Variants in SCAMP3 observed in about 807,000 individuals in gnomAD.
SCAMP3 encodes secretory carrier membrane protein 3.
In SCAMP3, 30 loss-of-function variants were observed where a neutral mutation model predicts 44.1. The observed-to-expected ratio is 0.68, with a 90% CI of 0.51 to 0.92. The LOEUF (loss-of-function observed/expected upper bound fraction) is 0.92. SCAMP3 is among the 40% of genes least tolerant of loss of function. The probability of loss-of-function intolerance (pLI) is 0.00; values close to 1 mark genes in which losing one functional copy is unlikely to be tolerated. For missense variants in SCAMP3, 394 were observed against 440.0 expected (o/e 0.90, Z 0.93); for synonymous variants, 168 against 171.1 (o/e 0.98, Z 0.14).
Position 155,256,104 on chromosome 1 carries a change from C to T in SCAMP3, c.*169G>A. On this transcript the variant is annotated 3_prime_UTR_variant, in exon 9 of 9. Transcript: ENST00000302631. Reference sequence around the variant, plus strand: ...GTGTGGCCTGATGGGGGGACTAGGTCACAGTGAACTCCCCACACGCCTGTC... The same window carrying T: ...GTGTGGCCTGATGGGGGGACTAGGTTACAGTGAACTCCCCACACGCCTGTC... 1 of 561,868 alleles carries T rather than the reference C, an allele frequency of 1.8e-6. No homozygotes were observed. The highest frequency in any genetic ancestry group is 3.3e-5 in the East Asian group (1 of 30,758). 34.8% of individuals were successfully genotyped at this position (561,868 alleles called of 1,614,324 possible). A position where few individuals can be genotyped will look rare whatever the true frequency, so the allele number is the denominator to read the frequency against.
At chr1:155,259,046 CTTTT>C (rs34682738) in intron 4 of SCAMP3, 92 bp from the exon 5 acceptor site, 6,516 of 481,298 alleles carry the variant, frequency 0.014, no homozygotes, top group East Asian at 0.026. Context: ...TGGATCCTCT[CTTTT>C]TTTTTTTTTT....
chr1:155,257,660 A>G lies in SCAMP3; in HGVS notation c.518-3T>C. ...CAGGAGAAGAGCCAGCGTGCTGCCT[A>G]AGGGGCAGAGGGACAGGATGAGGAG... On this transcript the variant is annotated splice_polypyrimidine_tract_variant and splice_region_variant and intron_variant, in intron 5 of 8. Coordinates refer to ENST00000302631, the MANE Select transcript of SCAMP3 (RefSeq NM_005698.4). The G allele has an allele frequency of 6.4e-7, 1 of 1,554,648 alleles. No individual in the cohort carries two copies. Among genetic ancestry groups the G allele is most frequent in the Non-Finnish European group, 8.7e-7 (1 of 1,148,906 alleles).
At position 155,260,552 on chromosome 1, in the gene SCAMP3, G is replaced by A. The variant is rs763407185; in HGVS notation, c.252C>T (p.Gly84=). The change falls in exon 3 of 9, where the codon GGC becomes GGT. Residue 84 remains glycine (G), a synonymous_variant. Coordinates refer to ENST00000302631, the MANE Select transcript of SCAMP3 (RefSeq NM_005698.4). ...KLSPTEPKNY[G]SYSTQASAAA... Reference sequence around the variant, plus strand: ...CCTCCTGTACCTGAGTGCTGTATGAGCCATAGTTCTTAGGTTCTGTGGGGC... The same window carrying A: ...CCTCCTGTACCTGAGTGCTGTATGAACCATAGTTCTTAGGTTCTGTGGGGC... 1 of 1,614,058 alleles carries A rather than the reference G, an allele frequency of 6.2e-7. No individual in the cohort carries two copies. The highest frequency in any genetic ancestry group is 1.3e-5 in the African/African-American group (1 of 74,924).
chr1:155,262,205 GT>G lies in SCAMP3; in HGVS notation c.-55del. 1 of 1,546,786 alleles carries G rather than the reference GT, an allele frequency of 6.5e-7. No homozygotes were observed. Among genetic ancestry groups the G allele is most frequent in the South Asian group, 1.1e-5 (1 of 89,328 alleles). On this transcript the variant is annotated 5_prime_UTR_variant, in exon 1 of 9. Transcript: ENST00000302631. ...TGCCCTCCACGCCCCTGCCGCAGCA[GT>G]GGCGGTAGCGGTAGCCCTCAGAGTC...
intron 2 of SCAMP3, among the ~76,000 whole-genome samples, 156 bp from the exon 3 acceptor site, chr1:155,260,815 G>T (rs572056034): frequency 6.6e-6 from 1 of 152,224 alleles, no homozygotes; most frequent in Non-Finnish European, 1.5e-5. Context: ...TTCTGTCAGA[G>T]AACTCTATGA....
intron 4 of SCAMP3, 121 bp from the exon 5 acceptor site, chr1:155,259,075 G>C: frequency 1.2e-6 from 1 of 844,386 alleles, no homozygotes; most frequent in Non-Finnish European, 1.7e-6. Context: ...TTTTGAGATA[G>C]GGTCTCTGTT....
At position 155,260,772 on chromosome 1, in the gene SCAMP3, C is replaced by A; in HGVS notation, c.145-113G>T. The A allele has an allele frequency of 3.1e-6, 3 of 953,468 alleles. No individual in the cohort carries two copies. The East Asian group carries it at 7.7e-5, about 24-fold the overall frequency. The allele number at this position is 953,468 out of a possible 1,614,324, so 59.1% of individuals were successfully genotyped here. A position where few individuals can be genotyped will look rare whatever the true frequency, so the allele number is the denominator to read the frequency against. ...ATGATGTAAGGAAGCAGCCTTTCCC[C>A]CATTTGTTAGGAAGCTAGTTCTTCT... On this transcript the variant is annotated intron_variant, in intron 2 of 8. Transcript: ENST00000302631.
At position 155,262,299 on chromosome 1, in the gene SCAMP3, C is replaced by CCGACCGG; in HGVS notation, c.-149_-148insCCGGTCG. The CCGACCGG allele has an allele frequency of 4.3e-6, 3 of 695,770 alleles. No homozygotes were observed. Among genetic ancestry groups the CCGACCGG allele is most frequent in the Non-Finnish European group, 7.1e-6 (3 of 424,902 alleles). 43.1% of individuals were successfully genotyped at this position (695,770 alleles called of 1,614,324 possible). A position where few individuals can be genotyped will look rare whatever the true frequency, so the allele number is the denominator to read the frequency against. ...TTGGTTCCACCGACCGGAAGGGCCA[C>CCGACCGG]AAGGATCCCCGCAGCAGCCGTGGGT... On this transcript the variant is annotated 5_prime_UTR_variant, in exon 1 of 9. Coordinates refer to ENST00000302631, the MANE Select transcript of SCAMP3 (RefSeq NM_005698.4).
chr1:155,261,820 C>A, intron 1 of SCAMP3, 86 bp from the exon 2 acceptor site: 1 of 1,274,472 alleles, frequency 7.8e-7, no homozygotes, highest in Non-Finnish European at 1.1e-6. Flanking sequence ...CCTGTGGCTC[C>A]AAGTACTGCA....
intron 4 of SCAMP3, among the ~76,000 whole-genome samples, chr1:155,259,728 T>C (rs767571740): frequency 3.3e-5 from 5 of 152,182 alleles, no homozygotes; most frequent in Non-Finnish European, 1.5e-5. Context: ...GAAAAATTAA[T>C]ACTGTTTATT....
chr1:155,256,887 G>C, intron 7 of SCAMP3, 96 bp from the exon 8 acceptor site: 1 of 878,708 alleles, frequency 1.1e-6, no homozygotes, highest in Non-Finnish European at 1.9e-6. Context: ...CCCATCAGCA[G>C]TGGCTCCCTG....
At position 155,256,361 on chromosome 1, in the gene SCAMP3, G is replaced by A; in HGVS notation, c.956C>T (p.Ala319Val). Residue 319 changes from alanine to valine, a missense_variant, in exon 9 of 9, where the codon GCT becomes GTT. Coordinates refer to ENST00000302631, the MANE Select transcript of SCAMP3 (RefSeq NM_005698.4). The part of the protein sequence containing the change: ...ASFQKAQQEF[A>V]AGVFSNPAVR... ...CGCAGGGTTGGAGAAGACACCAGCA[G>A]CAAATTCTTGCTGGGCCTTCTGAAA... is the stretch of plus-strand genomic sequence containing the variant. The A allele has an allele frequency of 6.2e-7, 1 of 1,608,676 alleles. No homozygotes were observed. The highest frequency in any genetic ancestry group is 8.5e-7 in the Non-Finnish European group (1 of 1,175,900).
At position 155,260,375 on chromosome 1, in the gene SCAMP3, G is replaced by T. The variant is rs1355670993; in HGVS notation, c.343C>A (p.Arg115=). 3 of 1,613,586 alleles carry T rather than the reference G, an allele frequency of 1.9e-6. No individual in the cohort carries two copies. The highest frequency in any genetic ancestry group is 1.1e-5 in the South Asian group (1 of 91,082). The change falls in exon 4 of 9, where the codon CGA becomes AGA. Residue 115 remains arginine, a synonymous_variant. Transcript: ENST00000302631. ...GCATGCTGCAGCTCTCGCTCCCTTCGGTCCAACTCCTCTGCCTTCCGGTTG... is the reference window on the plus strand; with the variant it reads ...GCATGCTGCAGCTCTCGCTCCCTTCTGTCCAACTCCTCTGCCTTCCGGTTG... The part of the protein sequence containing the change: ...ELNRKAEELD[R]RERELQHAAL...
rs373833483 is a variant in SCAMP3 at position 155,260,431 on chromosome 1, G to A, written c.287C>T (p.Thr96Ile). ...YSTQASAAAA[T>I]AELLKKQEEL... is the part of the protein sequence containing the mutation. ...CTCCTGTTTCTTCAGCAGCTCAGCTGTGGCTGCTGCAGCTGAGGCCTGCCC... is the reference window on the plus strand; with the variant it reads ...CTCCTGTTTCTTCAGCAGCTCAGCTATGGCTGCTGCAGCTGAGGCCTGCCC... Residue 96 changes from threonine to isoleucine, a missense_variant, in exon 4 of 9, where the codon ACA becomes ATA. Transcript: ENST00000302631. 12 of 1,614,018 alleles carry A rather than the reference G, an allele frequency of 7.4e-6. No homozygotes were observed. The highest frequency in any genetic ancestry group is 1.3e-5 in the African/African-American group (1 of 74,916).
intron 5 of SCAMP3, among the ~76,000 whole-genome samples, 194 bp downstream of exon 5, chr1:155,258,632 A>T (rs920006964): frequency 7.9e-5 from 12 of 152,128 alleles, no homozygotes; most frequent in African/African-American, 2.9e-4. Flanking sequence ...CACTGCACCC[A>T]GCCCAAAGAC....
intron 1 of SCAMP3, 61 bp downstream of exon 1, chr1:155,262,025 C>T (rs1283073985): frequency 6.6e-7 from 1 of 1,505,896 alleles, no homozygotes; most frequent in Admixed American, 1.7e-5. Flanking sequence ...GTTAGCCCGA[C>T]CCTACAGAAC....
chr1:155,260,657 T>C lies in SCAMP3; in HGVS notation c.147A>G (p.Pro49=), dbSNP rs771283991. The part of the protein sequence containing the change: ...DVYNPFETRE[P]PPAYEPPAPA... Reference sequence around the variant, plus strand: ...GGGCTGGAGGCTCATAGGCTGGTGGTGGCTGTTGAGGAAAAGACCTTAGTG... The same window carrying C: ...GGGCTGGAGGCTCATAGGCTGGTGGCGGCTGTTGAGGAAAAGACCTTAGTG... The change falls in exon 3 of 9, where the codon CCA becomes CCG. Residue 49 remains proline, a splice_region_variant and synonymous_variant. Transcript: ENST00000302631. 8.7e-6 allele frequency: 14 copies of C among 1,607,098 alleles called. No homozygotes were observed. In the South Asian group the frequency reaches 1.3e-4, roughly 15 times the overall value.
At chr1:155,260,516 T>C in intron 3 of SCAMP3, 21 bp downstream of exon 3, 1 of 1,614,070 alleles carries the variant, frequency 6.2e-7, no homozygotes, top group Non-Finnish European at 8.5e-7. Context: ...TCCCCAGCCC[T>C]CACCTGCACA....
Position 155,260,600 on chromosome 1 carries a change from G to C in SCAMP3, c.204C>G (p.Ser68=). ...GGCTGAGCTTTCTCGAGGGCTGCAA[G>C]GAGGGAGCTGAGGGTGGAGGCAATG... is the stretch of plus-strand genomic sequence containing the variant. The part of the protein sequence containing the change: ...PAPLPPPSAP[S]LQPSRKLSPT... The change falls in exon 3 of 9, where the codon TCC becomes TCG. Residue 68 remains serine (S), a synonymous_variant. Coordinates refer to ENST00000302631, the MANE Select transcript of SCAMP3 (RefSeq NM_005698.4). The C allele has an allele frequency of 6.2e-7, 1 of 1,614,190 alleles. No homozygotes were observed. Among genetic ancestry groups the C allele is most frequent in the Non-Finnish European group, 8.5e-7 (1 of 1,180,028 alleles).
Sources: allele counts gnomAD v4.1 joint callset (sites outside exome capture counted in the v4.1 genomes callset), GRCh38; gene constraint gnomAD v4.1.1; transcripts MANE v1.5; gene names NCBI Gene and HGNC (gene_info 2026-07-23, HGNC 2026-07-21).